The following CACHD1 variants were observed in gnomAD, a reference collection of about 807,000 sequenced individuals.
CACHD1 encodes cache domain containing 1.
Under a neutral mutation model 138.7 loss-of-function variants are expected in CACHD1, and 71 were observed. The observed-to-expected ratio is 0.51, with a 90% CI of 0.42 to 0.62. CACHD1 has a LOEUF of 0.62. CACHD1 is among the 20% of genes least tolerant of loss of function. The pLI is 0.00. For synonymous variants in CACHD1, 578 were observed against 591.5 expected (o/e 0.98, Z 0.33); for missense variants, 1,389 against 1,625.3 (o/e 0.85, Z 2.50).
At chr1:64,528,209 T>C (rs914270425) in intron 1 of CACHD1, among the ~76,000 whole-genome samples, 1 of 152,216 alleles carries the variant, frequency 6.6e-6, no homozygotes, top group Admixed American at 6.5e-5. Flanking sequence ...CCTTTTTCTT[T>C]ACTGTTTCTG....
At chr1:64,491,077 G>A (rs1368489633) in intron 1 of CACHD1, among the ~76,000 whole-genome samples, 1 of 152,170 alleles carries the variant, frequency 6.6e-6, no homozygotes, top group South Asian at 2.1e-4. Flanking sequence ...AGTATGATAT[G>A]ACTAATATTA....
At position 64,609,369 on chromosome 1, in the gene CACHD1, T is replaced by C. The variant is rs890986169; in HGVS notation, c.517+6457T>C. ...GATTGCATTAGTGTCATAAAATATG[T>C]AATTAGTTGTATAACATTTAAAAGC... On this transcript the variant is annotated intron_variant, in intron 4 of 26. Transcript: ENST00000651257. 1.7e-4 allele frequency among the ~76,000 whole-genome samples: 26 copies of C among 152,212 alleles called. 1 individual carries two copies. The highest frequency in any genetic ancestry group is 4.4e-5 in the Non-Finnish European group (3 of 68,030).
chr1:64,529,540 C>T (rs1646565633), intron 1 of CACHD1, among the ~76,000 whole-genome samples: 1 of 152,182 alleles, frequency 6.6e-6, no homozygotes, highest in South Asian at 2.1e-4. Flanking sequence ...TGGTTTATTA[C>T]ATTAGCAACA....
chr1:64,622,874 A>G (rs1647965698), intron 4 of CACHD1, among the ~76,000 whole-genome samples: 1 of 152,220 alleles, frequency 6.6e-6, no homozygotes, highest in African/African-American at 2.4e-5. Flanking sequence ...TTGACATCCA[A>G]TAAACTTCAC....
At position 64,692,228 on chromosome 1, in the gene CACHD1, G is replaced by A. The variant is rs1650586152; in HGVS notation, c.*667G>A. 6.6e-6 allele frequency: 1 copy of A among 152,466 alleles called. No homozygotes were observed. Among genetic ancestry groups the A allele is most frequent in the Non-Finnish European group, 1.5e-5 (1 of 68,136 alleles). 9.4% of individuals were successfully genotyped at this position (152,466 alleles called of 1,614,324 possible). A position where few individuals can be genotyped will look rare whatever the true frequency, so the allele number is the denominator to read the frequency against. On this transcript the variant is annotated 3_prime_UTR_variant, in exon 27 of 27. Transcript: ENST00000651257. ...AATGAAGTGGTTCTTTGATTAAGGA[G>A]CTCTATTTCTTATTTAACTGATATC...
chr1:64,522,301 C>G (rs993891554), intron 1 of CACHD1, among the ~76,000 whole-genome samples: 1 of 106,414 alleles, frequency 9.4e-6, no homozygotes, highest in Non-Finnish European at 2.2e-5. Context: ...TTCCTCTCAA[C>G]CCCCACATTT....
intron 8 of CACHD1, among the ~76,000 whole-genome samples, chr1:64,645,721 C>T (rs548208804): frequency 3.0e-4 from 45 of 152,162 alleles, no homozygotes; most frequent in African/African-American, 8.9e-4. Flanking sequence ...TGCCAGCCCC[C>T]GTGCATGCTC....
Position 64,691,572 on chromosome 1 carries a change from A to G in CACHD1, c.*11A>G. The stretch of plus-strand genomic sequence containing the variant: ...GATGCAGAATGCTAACAATCTCCTC[A>G]CCTCCACGCCAAGATGAGATCTGGG... On this transcript the variant is annotated 3_prime_UTR_variant, in exon 27 of 27. Coordinates refer to ENST00000651257, the MANE Select transcript of CACHD1 (RefSeq NM_020925.4). 1 of 1,604,608 alleles carries G rather than the reference A, an allele frequency of 6.2e-7. No individual in the cohort carries two copies. Among genetic ancestry groups the G allele is most frequent in the Non-Finnish European group, 8.5e-7 (1 of 1,171,878 alleles).
At chr1:64,621,874 G>A (rs374739585) in intron 4 of CACHD1, among the ~76,000 whole-genome samples, 1 of 152,110 alleles carries the variant, frequency 6.6e-6, no homozygotes, top group South Asian at 2.1e-4. Context: ...CCTTTGAAAG[G>A]TTTTAAGCAA....
chr1:64,677,738 G>A (rs1249283726), intron 22 of CACHD1, among the ~76,000 whole-genome samples: 3 of 152,144 alleles, frequency 2.0e-5, no homozygotes, highest in Non-Finnish European at 2.9e-5. Flanking sequence ...TGAGAAATTG[G>A]CAGTGAGGAA....
chr1:64,523,513 C>A (rs1369030969), intron 1 of CACHD1, among the ~76,000 whole-genome samples: 2 of 152,118 alleles, frequency 1.3e-5, no homozygotes, highest in African/African-American at 4.8e-5. Flanking sequence ...TTTGACAGAC[C>A]TGTGAACAAA....
intron 1 of CACHD1, among the ~76,000 whole-genome samples, chr1:64,488,284 T>C (rs1179791634): frequency 6.6e-6 from 1 of 152,230 alleles, no homozygotes; most frequent in Non-Finnish European, 1.5e-5. Flanking sequence ...AAAATATTAT[T>C]GAGGTGAAGT....
At chr1:64,661,896 C>G (rs1649458964) in intron 13 of CACHD1, among the ~76,000 whole-genome samples, 2 of 152,082 alleles carry the variant, frequency 1.3e-5, no homozygotes, top group African/African-American at 2.4e-5. Context: ...CTACTGAGGA[C>G]AACTATTTAA....
intron 2 of CACHD1, 26 bp from the exon 3 acceptor site, chr1:64,582,130 T>G: frequency 6.2e-7 from 1 of 1,610,614 alleles, no homozygotes; most frequent in Non-Finnish European, 8.5e-7. Flanking sequence ...GACTTTCGAT[T>G]TATTTTGCTC....
intron 7 of CACHD1, among the ~76,000 whole-genome samples, chr1:64,640,141 G>A (rs919094426): frequency 2.0e-5 from 3 of 152,044 alleles, no homozygotes; most frequent in East Asian, 1.9e-4. Flanking sequence ...CACCTCTGCC[G>A]CATTCTAGTC....
At chr1:64,616,354 G>C (rs1225509087) in intron 4 of CACHD1, among the ~76,000 whole-genome samples, 1 of 152,170 alleles carries the variant, frequency 6.6e-6, no homozygotes, top group African/African-American at 2.4e-5. Flanking sequence ...GTATTGGTGA[G>C]AGGGGAGAGG....
intron 1 of CACHD1, among the ~76,000 whole-genome samples, chr1:64,536,380 A>C (rs184275679): frequency 6.8e-4 from 103 of 152,312 alleles, no homozygotes; most frequent in African/African-American, 2.3e-3. Flanking sequence ...ACTCAAGCCA[A>C]ATTAAATATT....
At chr1:64,592,930 T>C (rs1164411529) in intron 3 of CACHD1, among the ~76,000 whole-genome samples, 1 of 152,162 alleles carries the variant, frequency 6.6e-6, no homozygotes, top group Non-Finnish European at 1.5e-5. Context: ...GTATGTGGAA[T>C]CTGGCAACTA....
At chr1:64,627,965 A>G (rs1648168727) in intron 4 of CACHD1, among the ~76,000 whole-genome samples, 1 of 152,248 alleles carries the variant, frequency 6.6e-6, no homozygotes, top group Non-Finnish European at 1.5e-5. Context: ...TCAGATGGTG[A>G]TAGATGCTAT....
Sources: allele counts gnomAD v4.1 joint callset (sites outside exome capture counted in the v4.1 genomes callset), GRCh38; gene constraint gnomAD v4.1.1; transcripts MANE v1.5; gene names NCBI Gene and HGNC (gene_info 2026-07-23, HGNC 2026-07-21).